SRGAP3: variants seen among roughly 807,000 people sequenced by gnomAD.
SRGAP3 encodes the protein SLIT-ROBO Rho GTPase activating protein 3.
In SRGAP3, 39 loss-of-function variants were observed where a neutral mutation model predicts 121.1. The ratio of observed to expected loss-of-function variants is 0.32; its 90% CI spans 0.25 to 0.42. The LOEUF is 0.42. Among genes scored for constraint, SRGAP3 ranks in the 10% least tolerant of loss-of-function variants. The pLI is 1.00. For missense variants in SRGAP3, 1,213 were observed against 1,470.6 expected (o/e 0.82, Z 2.86); for synonymous variants, 601 against 570.0 (o/e 1.05, Z -0.77).
intron 1 of SRGAP3, among the ~76,000 whole-genome samples, chr3:9,187,745 G>T (rs754522663): frequency 2.0e-5 from 3 of 152,058 alleles, no homozygotes; most frequent in African/African-American, 7.3e-5. Context: ...AATCCACCAG[G>T]GTCTTACCCT....
intron 3 of SRGAP3, among the ~76,000 whole-genome samples, chr3:9,261,214 A>G (rs1384587165): frequency 6.6e-6 from 1 of 152,204 alleles, no homozygotes; most frequent in African/African-American, 2.4e-5. Flanking sequence ...TCAAAGGCCA[A>G]AGGTAGATAA....
At chr3:9,176,397 G>C (rs1951182814) in intron 1 of SRGAP3, among the ~76,000 whole-genome samples, 1 of 152,204 alleles carries the variant, frequency 6.6e-6, no homozygotes, top group Non-Finnish European at 1.5e-5. Flanking sequence ...ATGATCATAA[G>C]AAATAAATAT....
At chr3:9,183,612 A>G (rs1277546851) in intron 1 of SRGAP3, among the ~76,000 whole-genome samples, 1 of 152,144 alleles carries the variant, frequency 6.6e-6, no homozygotes, top group East Asian at 1.9e-4. Context: ...TTTTTACTTT[A>G]CATACCTCTA....
chr3:9,243,753 C>T (rs375182190), intron 1 of SRGAP3, among the ~76,000 whole-genome samples: 40 of 152,238 alleles, frequency 2.6e-4, no homozygotes, highest in Admixed American at 6.5e-4. Context: ...TTGGCTGAGG[C>T]CCCTCACCAA....
intron 1 of SRGAP3, among the ~76,000 whole-genome samples, chr3:9,153,697 G>A (rs754949589): frequency 2.0e-5 from 3 of 152,108 alleles, no homozygotes; most frequent in Non-Finnish European, 2.9e-5. Flanking sequence ...GAGGGAAAGA[G>A]AGTGACAAAA....
chr3:9,168,985 A>T (rs1351089158), intron 1 of SRGAP3, among the ~76,000 whole-genome samples: 1 of 152,230 alleles, frequency 6.6e-6, no homozygotes, highest in Non-Finnish European at 1.5e-5. Context: ...GGTGAGAGCA[A>T]GATTTCAGAC....
At chr3:9,286,069 G>A (rs1954761804) in intron 3 of SRGAP3, among the ~76,000 whole-genome samples, 1 of 150,836 alleles carries the variant, frequency 6.6e-6, no homozygotes, top group Non-Finnish European at 1.5e-5. Context: ...CTGTGATCAT[G>A]CCACTGCACT....
At chr3:9,276,713 C>T (rs922796781) in intron 3 of SRGAP3, among the ~76,000 whole-genome samples, 3 of 152,228 alleles carry the variant, frequency 2.0e-5, no homozygotes, top group African/African-American at 7.2e-5. Context: ...GCGTAAGCCA[C>T]CGCATCCAGC....
At chr3:9,078,663 C>G (rs1560094621) in intron 4 of SRGAP3, among the ~76,000 whole-genome samples, 1 of 152,128 alleles carries the variant, frequency 6.6e-6, no homozygotes, top group East Asian at 1.9e-4. Context: ...TACTTAACAC[C>G]TGGATTTGAA....
chr3:8,981,784 T>G lies in SRGAP3; in HGVS notation c.*3735A>C. The G allele has an allele frequency of 4.4e-6, 1 of 229,542 alleles. No homozygotes were observed. The highest frequency in any genetic ancestry group is 1.8e-4 in the South Asian group (1 of 5,488). 14.2% of individuals were successfully genotyped at this position (229,542 alleles called of 1,614,324 possible). On this transcript the variant is annotated 3_prime_UTR_variant, in exon 22 of 22. Transcript: ENST00000383836. ...TCAATTTCCCTGTGTCTCTTCCCAC[T>G]CCGATTTCTTCATTGAATAGAAACC... is the stretch of plus-strand genomic sequence containing the variant.
chr3:9,259,665 T>C (rs1412019956), intron 3 of SRGAP3, among the ~76,000 whole-genome samples: 1 of 152,178 alleles, frequency 6.6e-6, no homozygotes, highest in Non-Finnish European at 1.5e-5. Flanking sequence ...CCACCTCCAC[T>C]AGACCAACAT....
chr3:9,327,308 C>A (rs1380634671), intron 2 of SRGAP3, among the ~76,000 whole-genome samples: 2 of 151,830 alleles, frequency 1.3e-5, no homozygotes, highest in African/African-American at 4.8e-5. Flanking sequence ...CTTTAGCCAA[C>A]ATGTTCACAC....
chr3:9,015,958 G>A (rs373609969), intron 14 of SRGAP3: 4 of 565,934 alleles, frequency 7.1e-6, no homozygotes, highest in African/African-American at 3.8e-5. Context: ...AATAATGAAC[G>A]CCCATCACCC....
intron 1 of SRGAP3, among the ~76,000 whole-genome samples, chr3:9,248,679 A>T (rs1953910924): frequency 6.6e-6 from 1 of 152,064 alleles, no homozygotes; most frequent in Non-Finnish European, 1.5e-5. Context: ...CCATTCCATA[A>T]TCCACACTCC....
chr3:9,264,911 G>A lies in SRGAP3; in HGVS notation n.442+61099C>T, dbSNP rs180843690. Among the ~76,000 whole-genome samples, 116 of 152,272 alleles carry A rather than the reference G, an allele frequency of 7.6e-4. 2 individuals are homozygous for A. In the East Asian group the frequency reaches 0.014, roughly 18 times the overall value. ...TGAAACCAAAAAAAGAGCTGGTATAGCCAAGACAATCCTAAGCAAAAAGAA... is the reference window on the plus strand; with the variant it reads ...TGAAACCAAAAAAAGAGCTGGTATAACCAAGACAATCCTAAGCAAAAAGAA... On this transcript the variant is annotated intron_variant and non_coding_transcript_variant, in intron 3 of 3. Transcript: ENST00000490889.
At chr3:9,302,680 G>C (rs987716103) in intron 3 of SRGAP3, among the ~76,000 whole-genome samples, 3 of 152,192 alleles carry the variant, frequency 2.0e-5, no homozygotes, top group Admixed American at 2.0e-4. Context: ...GCTGTAGAAC[G>C]CCAGGTTCTT....
At chr3:9,286,978 C>T (rs1033361710) in intron 3 of SRGAP3, among the ~76,000 whole-genome samples, 1 of 142,066 alleles carries the variant, frequency 7.0e-6, no homozygotes, top group Non-Finnish European at 1.5e-5. Context: ...TGTCCACACA[C>T]TGACACTCTT....
intron 1 of SRGAP3, among the ~76,000 whole-genome samples, chr3:9,215,507 C>T (rs1222456435): frequency 6.6e-6 from 1 of 152,206 alleles, no homozygotes; most frequent in Non-Finnish European, 1.5e-5. Context: ...TTTTAGGTAT[C>T]AACTTGACTG....
rs1941599676 is a variant in SRGAP3, at chr3:8,984,984, T to C, written c.*535A>G. The C allele has an allele frequency of 4.4e-6, 1 of 228,254 alleles. No homozygotes were observed. The highest frequency in any genetic ancestry group is 2.2e-5 in the African/African-American group (1 of 44,880). 14.1% of individuals were successfully genotyped at this position (228,254 alleles called of 1,614,324 possible). ...CACCAAATAACTCGGTGGGAGATGT[T>C]TGGTGGCATGGATCTGAGGTAAATC... On this transcript the variant is annotated 3_prime_UTR_variant, in exon 22 of 22. Transcript: ENST00000383836.
Sources: gnomAD v4.1 joint callset for allele counts (sites outside exome capture counted in the v4.1 genomes callset) on GRCh38, gnomAD v4.1.1 for gene constraint, MANE v1.5 for transcripts, NCBI Gene and HGNC (gene_info 2026-07-23, HGNC 2026-07-21) for gene names.